SNAP25: variants seen among roughly 807,000 people sequenced by gnomAD.
SNAP25 encodes the protein synaptosome associated protein 25.
In SNAP25, 3 loss-of-function variants were observed where a neutral mutation model predicts 28.7. The observed-to-expected ratio is 0.10, with a 90% CI of 0.05 to 0.27. The LOEUF is 0.27. SNAP25 is among the 10% of genes least tolerant of loss of function. The pLI is 1.00. For synonymous variants in SNAP25, 61 were observed against 88.1 expected (o/e 0.69, Z 1.72); for missense variants, 117 against 278.7 (o/e 0.42, Z 4.13).
chr20:10,260,818 A>G (rs2063402319), intron 1 of SNAP25, among the ~76,000 whole-genome samples: 1 of 152,170 alleles, frequency 6.6e-6, no homozygotes, highest in Non-Finnish European at 1.5e-5. Flanking sequence ...CATTCATTCC[A>G]CCAATAAAAA....
rs1325530743 is a variant in SNAP25, at chr20:10,275,484, C to A, written c.-8C>A. 1 of 1,600,594 alleles carries A rather than the reference C, an allele frequency of 6.2e-7. No individual in the cohort carries two copies. Among genetic ancestry groups the A allele is most frequent in the South Asian group, 1.1e-5 (1 of 88,248 alleles). ...AGCCCAGGCGCCCAGCCACTCCCCA[C>A]CGCTACCATGGCCGAAGACGCAGAC... On this transcript the variant is annotated 5_prime_UTR_variant, in exon 2 of 8. Coordinates refer to ENST00000254976, the MANE Select transcript of SNAP25 (RefSeq NM_130811.4).
intron 4 of SNAP25, among the ~76,000 whole-genome samples, chr20:10,286,290 T>TG (rs1169543875): frequency 6.6e-6 from 1 of 152,118 alleles, no homozygotes; most frequent in Non-Finnish European, 1.5e-5. Flanking sequence ...ATGCCTCATT[T>TG]GGGGTCCCCT....
rs79545231 is a variant in SNAP25, at chr20:10,306,580, G to A, written c.*383G>A. 8,946 of 162,320 alleles carry A rather than the reference G, an allele frequency of 0.055. 685 individuals are homozygous for A. The highest frequency in any genetic ancestry group is 0.17 in the African/African-American group (7,118 of 41,802). The allele number at this position is 162,320 out of a possible 1,614,324, so 10.1% of individuals were successfully genotyped here. Reference sequence around the variant, plus strand: ...TGACATTCCACAGAGTTACTGCCACGGTCCTTTGAGTGTCAGGCTCTGAAT... The same window carrying A: ...TGACATTCCACAGAGTTACTGCCACAGTCCTTTGAGTGTCAGGCTCTGAAT... On this transcript the variant is annotated 3_prime_UTR_variant, in exon 8 of 8. Transcript: ENST00000254976.
chr20:10,266,444 G>A (rs6104575), intron 1 of SNAP25, among the ~76,000 whole-genome samples: 126 of 152,310 alleles, frequency 8.3e-4, no homozygotes, highest in African/African-American at 2.7e-3. Context: ...TTTCTGGAGG[G>A]CAAGAATAGA....
intron 1 of SNAP25, among the ~76,000 whole-genome samples, chr20:10,267,297 C>A (rs1186701678): frequency 1.3e-5 from 2 of 151,786 alleles, no homozygotes; most frequent in Admixed American, 1.3e-4. Flanking sequence ...AAGAAAAATG[C>A]CAAGTAAATA....
chr20:10,287,463 C>T (rs1385981085), intron 4 of SNAP25, among the ~76,000 whole-genome samples: 1 of 150,564 alleles, frequency 6.6e-6, no homozygotes, highest in Non-Finnish European at 1.5e-5. Flanking sequence ...AATGAGATAC[C>T]ATCTCACACC....
chr20:10,302,124 G>A (rs1455980429), intron 7 of SNAP25, among the ~76,000 whole-genome samples: 1 of 152,058 alleles, frequency 6.6e-6, no homozygotes, highest in Non-Finnish European at 1.5e-5. Context: ...TACTCCAGAG[G>A]CTGAGGCAGG....
At chr20:10,288,822 C>CT (rs573863106) in intron 4 of SNAP25, among the ~76,000 whole-genome samples, 127 of 141,460 alleles carry the variant, frequency 9.0e-4, no homozygotes, top group East Asian at 1.2e-3. Flanking sequence ...AACTTAGGAC[C>CT]TTTTTTTTTT....
chr20:10,246,659 TGCCACCTTTTAATTTCACA>T (rs2063134550), intron 1 of SNAP25, among the ~76,000 whole-genome samples: 2 of 152,066 alleles, frequency 1.3e-5, no homozygotes, highest in African/African-American at 4.8e-5. Context: ...CCCACCAAAT[TGCCACCTTTTAATTTCACA>T]GCCCCCTTGA....
At chr20:10,275,179 G>T (rs960997615) in intron 1 of SNAP25, among the ~76,000 whole-genome samples, 13 of 152,018 alleles carry the variant, frequency 8.6e-5, no homozygotes, top group Non-Finnish European at 2.9e-5. Flanking sequence ...CAACCCTTGG[G>T]TAGTTTGTCT....
chr20:10,268,612 A>G (rs2063543783), intron 1 of SNAP25, among the ~76,000 whole-genome samples: 1 of 152,124 alleles, frequency 6.6e-6, no homozygotes, highest in Non-Finnish European at 1.5e-5. Context: ...CCTGGGCCCT[A>G]AACTCATATT....
At chr20:10,244,717 CT>C (rs1688367755) in intron 1 of SNAP25, among the ~76,000 whole-genome samples, 1 of 150,522 alleles carries the variant, frequency 6.6e-6, no homozygotes, top group African/African-American at 2.5e-5. Context: ...TTTTTTGTTT[CT>C]TTCTTTCTTT....
At chr20:10,282,133 TAGGA>T (rs1308869247) in intron 3 of SNAP25, among the ~76,000 whole-genome samples, 1 of 123,042 alleles carries the variant, frequency 8.1e-6, no homozygotes, top group Admixed American at 1.1e-4. Context: ...CAATAAACAC[TAGGA>T]AGGAAGGAGG....
intron 1 of SNAP25, among the ~76,000 whole-genome samples, chr20:10,263,909 T>C (rs1217173274): frequency 6.6e-6 from 1 of 152,088 alleles, no homozygotes; most frequent in Non-Finnish European, 1.5e-5. Context: ...TGAGACAAGA[T>C]TGGGGCCCCT....
intron 1 of SNAP25, among the ~76,000 whole-genome samples, chr20:10,221,600 A>G (rs1292400487): frequency 6.6e-6 from 1 of 152,238 alleles, no homozygotes; most frequent in Admixed American, 6.5e-5. Flanking sequence ...TTCAAATTAC[A>G]GAACAATTTA....
At chr20:10,234,518 A>G (rs947725108) in intron 1 of SNAP25, among the ~76,000 whole-genome samples, 1 of 152,198 alleles carries the variant, frequency 6.6e-6, no homozygotes, top group East Asian at 1.9e-4. Context: ...AAAGCCTACC[A>G]TTACTTATGC....
intron 1 of SNAP25, among the ~76,000 whole-genome samples, chr20:10,228,758 A>G (rs1157225656): frequency 6.6e-6 from 1 of 152,174 alleles, no homozygotes; most frequent in Non-Finnish European, 1.5e-5. Flanking sequence ...AGAAAGAGGA[A>G]GGGACTGTTG....
chr20:10,279,702 T>C (rs763969535), intron 3 of SNAP25, among the ~76,000 whole-genome samples: 4 of 152,218 alleles, frequency 2.6e-5, no homozygotes, highest in Non-Finnish European at 5.9e-5. Flanking sequence ...GAATCATATG[T>C]TTTTGTTTCT....
chr20:10,299,471 G>A (rs2064185515), intron 7 of SNAP25, 59 bp downstream of exon 7: 2 of 1,549,706 alleles, frequency 1.3e-6, no homozygotes, highest in African/African-American at 1.4e-5. Flanking sequence ...TGACCAACAG[G>A]AAGTGTGAAG....
Sources: gnomAD v4.1 joint callset for allele counts (sites outside exome capture counted in the v4.1 genomes callset) on GRCh38, gnomAD v4.1.1 for gene constraint, MANE v1.5 for transcripts, NCBI Gene and HGNC (gene_info 2026-07-23, HGNC 2026-07-21) for gene names.